The following TOX2 variants were observed in gnomAD, a reference collection of about 807,000 sequenced individuals.
TOX2 encodes granulosa cell HMG box 1.
A neutral mutation model predicts 47.4 loss-of-function variants in TOX2; 15 were observed. The observed-to-expected ratio is 0.32, with a 90% CI of 0.21 to 0.49. The LOEUF is 0.49. Among genes scored for constraint, TOX2 ranks in the 20% least tolerant of loss-of-function variants. The pLI is 0.99. For synonymous variants in TOX2, 290 were observed against 296.6 expected (o/e 0.98, Z 0.23); for missense variants, 622 against 673.1 (o/e 0.92, Z 0.84).
intron 1 of TOX2, among the ~76,000 whole-genome samples, chr20:43,968,270 G>A (rs1008333780): frequency 1.3e-5 from 2 of 152,046 alleles, no homozygotes; most frequent in Non-Finnish European, 2.9e-5. Flanking sequence ...ATTTATACCT[G>A]TCATGAATCA....
At chr20:44,017,346 C>T (rs117444745) in intron 3 of TOX2, among the ~76,000 whole-genome samples, 73 of 152,248 alleles carry the variant, frequency 4.8e-4, no homozygotes, top group East Asian at 4.4e-3. Context: ...GGGTGCTCAC[C>T]GTCTAGGAGT....
chr20:43,950,983 G>A (rs1276502597), intron 1 of TOX2, among the ~76,000 whole-genome samples: 5 of 151,896 alleles, frequency 3.3e-5, no homozygotes, highest in African/African-American at 4.8e-5. Context: ...AGATTTTGGG[G>A]TGAGGGGGGT....
chr20:43,936,391 C>T (rs1470526582), intron 1 of TOX2, among the ~76,000 whole-genome samples: 2 of 152,240 alleles, frequency 1.3e-5, no homozygotes, highest in African/African-American at 4.8e-5. Flanking sequence ...TCACAGTAAG[C>T]CACCAGAATT....
intron 3 of TOX2, among the ~76,000 whole-genome samples, chr20:44,021,349 G>A (rs184009187): frequency 6.6e-6 from 1 of 152,090 alleles, no homozygotes; most frequent in Non-Finnish European, 1.5e-5. Context: ...CTGGACCTTC[G>A]TCAGAAGCAC....
At chr20:44,028,002 G>A (rs553362189) in intron 3 of TOX2, among the ~76,000 whole-genome samples, 3 of 152,284 alleles carry the variant, frequency 2.0e-5, no homozygotes, top group East Asian at 1.9e-4. Flanking sequence ...CTGGGGAAAC[G>A]GCTCAGAGCA....
chr20:43,955,989 C>T (rs1363884508), intron 1 of TOX2, among the ~76,000 whole-genome samples: 1 of 151,952 alleles, frequency 6.6e-6, no homozygotes, highest in Admixed American at 6.6e-5. Flanking sequence ...GCTTGCCTTT[C>T]TGTCTTATCT....
chr20:43,946,563 A>C (rs2069474933), intron 1 of TOX2, among the ~76,000 whole-genome samples: 1 of 152,196 alleles, frequency 6.6e-6, no homozygotes, highest in African/African-American at 2.4e-5. Flanking sequence ...AATCAATAAA[A>C]ATTTCTTGCC....
chr20:44,007,824 A>C (rs1207361053), intron 3 of TOX2, among the ~76,000 whole-genome samples: 1 of 152,062 alleles, frequency 6.6e-6, no homozygotes, highest in African/African-American at 2.4e-5. Flanking sequence ...ACAGGAAGAA[A>C]CATCATATTT....
chr20:44,064,845 C>A lies in TOX2; in HGVS notation c.948C>A (p.Ser316Arg). 1.2e-6 allele frequency: 2 copies of A among 1,614,112 alleles called. No individual in the cohort carries two copies. Among genetic ancestry groups the A allele is most frequent in the Non-Finnish European group, 1.7e-6 (2 of 1,180,006 alleles). Residue 316 changes from serine to arginine, a missense_variant, in exon 6 of 9, where the codon AGC becomes AGA. Transcript: ENST00000341197. ...YLKALAAYRASLVSKSSPDQG... is the reference protein window; with the variant it reads ...YLKALAAYRARLVSKSSPDQG... The stretch of plus-strand genomic sequence containing the variant: ...AGGCCCTGGCAGCCTACCGGGCTAG[C>A]CTCGTCTCCAAGGTAACACCCGGAA...
Position 44,065,834 on chromosome 20 carries a change from G to C in TOX2, c.1083G>C (p.Leu361=). 1 of 1,613,870 alleles carries C rather than the reference G, an allele frequency of 6.2e-7. No individual in the cohort carries two copies. The highest frequency in any genetic ancestry group is 2.2e-5 in the East Asian group (1 of 44,876). The change falls in exon 7 of 9, where the codon CTG becomes CTC. Residue 361 remains leucine (L), a synonymous_variant. Coordinates refer to ENST00000341197, the MANE Select transcript of TOX2 (RefSeq NM_001098797.2). ...GLASFLTPSD[L]QAFRSGASPA... ...CCTCCTTCCTGACGCCGTCGGACCT[G>C]CAGGCCTTCCGCAGTGGGGCCTCCC...
At chr20:43,962,798 C>T (rs2069785145) in intron 1 of TOX2, among the ~76,000 whole-genome samples, 1 of 152,150 alleles carries the variant, frequency 6.6e-6, no homozygotes, top group Non-Finnish European at 1.5e-5. Flanking sequence ...AGACCAGCAC[C>T]ATCCAGTAGA....
At chr20:44,044,601 A>G (rs1169910406) in intron 3 of TOX2, among the ~76,000 whole-genome samples, 1 of 152,174 alleles carries the variant, frequency 6.6e-6, no homozygotes, top group Non-Finnish European at 1.5e-5. Flanking sequence ...GATGGCTTCT[A>G]TTGAAAAGAG....
At chr20:44,007,764 C>A (rs2070712596) in intron 3 of TOX2, among the ~76,000 whole-genome samples, 1 of 152,018 alleles carries the variant, frequency 6.6e-6, no homozygotes, top group Admixed American at 6.5e-5. Flanking sequence ...CACTCAAGCC[C>A]GGGAGGTCAA....
intron 1 of TOX2, among the ~76,000 whole-genome samples, chr20:43,949,325 A>G (rs1382388188): frequency 2.6e-5 from 4 of 152,204 alleles, no homozygotes; most frequent in African/African-American, 9.7e-5. Flanking sequence ...GGATGACCGC[A>G]GGAGCCTCCT....
intron 1 of TOX2, among the ~76,000 whole-genome samples, chr20:43,920,250 G>T (rs1174942603): frequency 6.6e-6 from 1 of 152,198 alleles, no homozygotes; most frequent in Non-Finnish European, 1.5e-5. Flanking sequence ...CACAGCTCTG[G>T]GCACAGCATC....
intron 1 of TOX2, among the ~76,000 whole-genome samples, chr20:43,929,137 G>A (rs1277586245): frequency 1.3e-5 from 2 of 151,970 alleles, no homozygotes; most frequent in East Asian, 1.9e-4. Context: ...CCAATCTGGC[G>A]ACAGAGTGAG....
chr20:43,951,728 T>TTTTTTTTTTTTTTTTTTTTTTTTTTTC, intron 1 of TOX2, among the ~76,000 whole-genome samples: 1 of 144,040 alleles, frequency 6.9e-6, no homozygotes, highest in South Asian at 2.3e-4. Flanking sequence ...TTTTTTTTTT[T>TTTTTTTTTTTTTTTTTTTTTTTTTTTC]AGAGAAAGGG....
Position 43,916,505 on chromosome 20 carries a change from T to C in TOX2, c.99+1515T>C, listed in dbSNP as rs935983480. 1.3e-5 allele frequency among the ~76,000 whole-genome samples: 2 copies of C among 152,138 alleles called. No individual in the cohort carries two copies. The highest frequency in any genetic ancestry group is 4.8e-5 in the African/African-American group (2 of 41,426). ...GTCTCGCGAAGAGTGGCGGTGGTTC[T>C]CTTTTGTCCAGTGACCTGCAAAGTT... On this transcript the variant is annotated intron_variant, in intron 1 of 8. Coordinates refer to ENST00000341197, the MANE Select transcript of TOX2 (RefSeq NM_001098797.2). This position sits in a 1 kb window ranked among gnomAD's most constrained non-coding sequence, Gnocchi z 5.0.
At chr20:43,972,759 C>T (rs1476683633) in intron 1 of TOX2, among the ~76,000 whole-genome samples, 1 of 152,262 alleles carries the variant, frequency 6.6e-6, no homozygotes, top group African/African-American at 2.4e-5. Flanking sequence ...GGGAAATCTT[C>T]CTGAATCCAG....
Sources: gnomAD v4.1 joint callset for allele counts (sites outside exome capture counted in the v4.1 genomes callset) on GRCh38, gnomAD v4.1.1 for gene constraint, Gnocchi (gnomAD v3.1) non-coding constraint, MANE v1.5 for transcripts, NCBI Gene and HGNC (gene_info 2026-07-23, HGNC 2026-07-21) for gene names.